Variants in EPC1 observed in about 807,000 individuals in gnomAD.
EPC1 encodes enhancer of polycomb 1.
In EPC1, 12 loss-of-function variants were observed where a neutral mutation model predicts 98.4. The observed-to-expected ratio is 0.12, with a 90% CI of 0.08 to 0.20. The LOEUF is 0.20. EPC1 is among the 10% of genes least tolerant of loss of function. EPC1 has a pLI of 1.00. For missense variants in EPC1, 729 were observed against 990.5 expected, an observed-to-expected ratio of 0.74 and a Z score of 3.54; for synonymous variants, 357 against 363.9, an observed-to-expected ratio of 0.98 and a Z score of 0.21.
At chr10:32,351,890 C>A (rs1055138651), upstream of EPC1, among the ~76,000 whole-genome samples, 1 of 150,168 alleles carries the variant, frequency 6.7e-6, no homozygotes, top group African/African-American at 2.4e-5. Flanking sequence ...GCCATCACGC[C>A]CGGCTAATTT....
At chr10:32,346,464 C>T (rs1838819174) in intron 1 of EPC1, 1 of 348,898 alleles carries the variant, frequency 2.9e-6, no homozygotes. Context: ...AACTAAGACA[C>T]AAAATGGCTG....
chr10:32,283,113 T>G (rs994221715), intron 10 of EPC1: 1 of 152,192 alleles, frequency 6.6e-6, no homozygotes, highest in East Asian at 1.9e-4. Flanking sequence ...AAGACTTCCA[T>G]TTCATAGAAG....
chr10:32,378,447 G>T (rs1365237218), intron 1 of EPC1: 5 of 1,493,830 alleles, frequency 3.3e-6, no homozygotes, highest in Admixed American at 2.1e-5. Flanking sequence ...TTAGCCGGTG[G>T]CTCTTTCAAA....
intron 10 of EPC1, among the ~76,000 whole-genome samples, chr10:32,280,126 G>C (rs531712688): frequency 9.5e-4 from 145 of 152,234 alleles, no homozygotes; most frequent in African/African-American, 3.4e-3. Context: ...TATAAAATCA[G>C]CATATTAAAG....
At chr10:32,325,630 C>T (rs1837227011) in intron 1 of EPC1, among the ~76,000 whole-genome samples, 1 of 152,086 alleles carries the variant, frequency 6.6e-6, no homozygotes, top group African/African-American at 2.4e-5. Context: ...AAGATGTTCC[C>T]TACAAAAATA....
chr10:32,287,697 G>A (rs1836761056), intron 6 of EPC1, among the ~76,000 whole-genome samples: 1 of 152,050 alleles, frequency 6.6e-6, no homozygotes, highest in South Asian at 2.1e-4. Flanking sequence ...TAATGAAAAT[G>A]TCTTCGTATA....
intron 1 of EPC1, among the ~76,000 whole-genome samples, chr10:32,360,510 A>T (rs1187337678): frequency 6.6e-6 from 1 of 152,212 alleles, no homozygotes. Context: ...ACACAGCAGG[A>T]TGTACCAGAA....
At chr10:32,317,190 T>A (rs1034063537) in intron 1 of EPC1, among the ~76,000 whole-genome samples, 1 of 152,170 alleles carries the variant, frequency 6.6e-6, no homozygotes, top group South Asian at 2.1e-4. Context: ...GGAGTGAGAT[T>A]TTTTTGCTTT....
At chr10:32,320,452 T>C (rs1836837977) in intron 1 of EPC1, among the ~76,000 whole-genome samples, 1 of 152,242 alleles carries the variant, frequency 6.6e-6, no homozygotes, top group Non-Finnish European at 1.5e-5. Flanking sequence ...GATTAAATAA[T>C]TTTGGGATAT....
intron 1 of EPC1, among the ~76,000 whole-genome samples, chr10:32,361,761 C>T (rs1839450452): frequency 6.6e-6 from 1 of 152,200 alleles, no homozygotes; most frequent in Non-Finnish European, 1.5e-5. Context: ...CAGAGCAACT[C>T]CATCTTGAAT....
At chr10:32,317,928 T>C (rs1053580728) in intron 1 of EPC1, among the ~76,000 whole-genome samples, 2 of 152,216 alleles carry the variant, frequency 1.3e-5, no homozygotes, top group African/African-American at 4.8e-5. Flanking sequence ...ACTACTTTCC[T>C]TATAAAATCA....
At chr10:32,316,301 C>T (rs949584815) in intron 1 of EPC1, among the ~76,000 whole-genome samples, 1 of 152,108 alleles carries the variant, frequency 6.6e-6, no homozygotes, top group Non-Finnish European at 1.5e-5. Flanking sequence ...ATCCATAGCC[C>T]GGCAAGTCTG....
intron 1 of EPC1, among the ~76,000 whole-genome samples, chr10:32,316,732 A>G (rs1038733056): frequency 4.6e-5 from 7 of 152,214 alleles, no homozygotes; most frequent in Admixed American, 2.6e-4. Context: ...GGGCTGAGTT[A>G]TGTAAATATA....
At chr10:32,336,970 T>C (rs958072358) in intron 1 of EPC1, among the ~76,000 whole-genome samples, 4 of 152,252 alleles carry the variant, frequency 2.6e-5, no homozygotes, top group African/African-American at 7.2e-5. Flanking sequence ...GTTATTTCTA[T>C]GTCTCTGTTA....
In EPC1 at chr10:32,286,778, A is replaced by G; in HGVS notation, c.1307T>C (p.Val436Ala). Residue 436 changes from valine to alanine, a missense_variant, in exon 9 of 14, where the codon GTG becomes GCG. By Grantham distance (64) the Val-to-Ala change is moderately conservative. This residue lies in a region of EPC1 where 390 missense variants were observed against 438.6 expected (regional missense o/e 0.89). Transcript: ENST00000319778. The part of the protein sequence containing the change: ...TSPKDGGLGD[V>A]RYRYCLTTLT... ...AGTAGTTAAGCAGTATCTATATCGC[A>G]CATCCCCTAATCCTCCATCTTTAGG... is the stretch of plus-strand genomic sequence containing the variant. The G allele has an allele frequency of 6.2e-7, 1 of 1,614,110 alleles. No individual in the cohort carries two copies. The highest frequency in any genetic ancestry group is 8.5e-7 in the Non-Finnish European group (1 of 1,180,018).
At chr10:32,300,215 A>G (rs1176475047) in intron 2 of EPC1, among the ~76,000 whole-genome samples, 1 of 151,700 alleles carries the variant, frequency 6.6e-6, no homozygotes, top group Non-Finnish European at 1.5e-5. Context: ...CCGGGCCACA[A>G]AAATGATTTT....
In EPC1 at chr10:32,347,040, C is replaced by G; in HGVS notation, c.-125G>C. 1 of 1,477,164 alleles carries G rather than the reference C, an allele frequency of 6.8e-7. No individual in the cohort carries two copies. The highest frequency in any genetic ancestry group is 8.9e-7 in the Non-Finnish European group (1 of 1,120,428). The allele number at this position is 1,477,164 out of a possible 1,614,324, so 91.5% of individuals were successfully genotyped here. ...GGGACTTGAGGGGCGGAGCGCAGAGCCCGCCGTCCGGGCACTAACACCAGC... is the reference window on the plus strand; with the variant it reads ...GGGACTTGAGGGGCGGAGCGCAGAGGCCGCCGTCCGGGCACTAACACCAGC... On this transcript the variant is annotated 5_prime_UTR_variant, in exon 1 of 14. Transcript: ENST00000319778.
At chr10:32,368,302 T>C (rs1259245420) in intron 1 of EPC1, among the ~76,000 whole-genome samples, 1 of 152,210 alleles carries the variant, frequency 6.6e-6, no homozygotes, top group Non-Finnish European at 1.5e-5. Flanking sequence ...TCCAAGCTAC[T>C]CTCATGGACC....
intron 1 of EPC1, among the ~76,000 whole-genome samples, chr10:32,367,948 T>G (rs955340925): frequency 6.6e-6 from 1 of 152,216 alleles, no homozygotes; most frequent in African/African-American, 2.4e-5. Context: ...TCAGGAAATG[T>G]TACATAAGCG....
Sources: gnomAD v4.1 joint callset for allele counts (sites outside exome capture counted in the v4.1 genomes callset) on GRCh38, gnomAD v4.1.1 for gene constraint, gnomAD v4.1.1 regional missense constraint, MANE v1.5 for transcripts, NCBI Gene and HGNC (gene_info 2026-07-23, HGNC 2026-07-21) for gene names.